SSUH2: variants seen among roughly 807,000 people sequenced by gnomAD.
The protein encoded by SSUH2 is ssu-2 homolog, also known as protein SSUH2 homolog.
Under a neutral mutation model 55.3 loss-of-function variants are expected in SSUH2, and 47 were observed. That is an observed-to-expected ratio of 0.85 (90% confidence interval 0.67 to 1.08). The LOEUF (loss-of-function observed/expected upper bound fraction) is 1.08. Ranked by LOEUF, SSUH2 falls within the 50% of genes least tolerant of loss-of-function variation. The pLI, the probability that SSUH2 is intolerant of heterozygous loss-of-function variation, is 0.00. For synonymous variants in SSUH2, 212 were observed against 191.5 expected (o/e 1.11, Z -0.89); for missense variants, 535 against 490.7 (o/e 1.09, Z -0.85).
intron 5 of SSUH2, among the ~76,000 whole-genome samples, chr3:8,664,411 T>C (rs1378882359): frequency 1.3e-5 from 2 of 152,244 alleles, no homozygotes; most frequent in African/African-American, 2.4e-5. Context: ...CACACAGTCA[T>C]GCTTGGAGGC....
In SSUH2 at chr3:8,661,638, A is replaced by G. The variant is rs574577065; in HGVS notation, c.-396+2106T>C. 1.7e-3 allele frequency among the ~76,000 whole-genome samples: 266 copies of G among 152,340 alleles called. 2 individuals carry two copies. The highest frequency in any genetic ancestry group is 3.4e-3 in the Middle Eastern group (1 of 294). The stretch of plus-strand genomic sequence containing the variant: ...TCACAGCAACAGCAATAGCCAGACA[A>G]TCAAGGTTTTTGCACCAGTGCCCTC... On this transcript the variant is annotated intron_variant, in intron 6 of 18. Coordinates refer to the SSUH2 transcript ENST00000317371.
upstream of SSUH2, among the ~76,000 whole-genome samples, chr3:8,648,882 C>G (rs927333947): frequency 6.6e-5 from 10 of 152,282 alleles, no homozygotes; most frequent in African/African-American, 2.4e-4. Context: ...CTGCCCCCAC[C>G]GTCTAATGGT....
intron 3 of SSUH2, among the ~76,000 whole-genome samples, chr3:8,672,995 A>G (rs1249736706): frequency 1.3e-5 from 2 of 152,268 alleles, no homozygotes; most frequent in South Asian, 4.1e-4. Context: ...CCACTGAGGT[A>G]TTAGGCATAA....
chr3:8,627,841 C>T, intron 7 of SSUH2, 58 bp from the exon 8 acceptor site: 1 of 1,498,768 alleles, frequency 6.7e-7, no homozygotes, highest in Non-Finnish European at 9.1e-7. Context: ...GGGCCAACGG[C>T]ATCCCAAGAC....
At chr3:8,667,023 C>T (rs1459999252) in intron 5 of SSUH2, among the ~76,000 whole-genome samples, 1 of 152,144 alleles carries the variant, frequency 6.6e-6, no homozygotes, top group Non-Finnish European at 1.5e-5. Flanking sequence ...GGCTGGGAGT[C>T]CACGCACGTT....
At chr3:8,637,548 C>T (rs1031513150) in intron 1 of SSUH2, among the ~76,000 whole-genome samples, 1 of 152,156 alleles carries the variant, frequency 6.6e-6, no homozygotes, top group African/African-American at 2.4e-5. Context: ...TCCAGTAATC[C>T]TAGGTCACAC....
At chr3:8,667,567 G>A (rs893862384) in intron 5 of SSUH2, among the ~76,000 whole-genome samples, 4 of 152,220 alleles carry the variant, frequency 2.6e-5, no homozygotes, top group African/African-American at 9.6e-5. Context: ...CACCTGGGCA[G>A]GCCACCCTCC....
At chr3:8,671,415 C>G (rs1008318363) in intron 4 of SSUH2, among the ~76,000 whole-genome samples, 2 of 151,932 alleles carry the variant, frequency 1.3e-5, no homozygotes, top group Non-Finnish European at 2.9e-5. Context: ...AAGGATCATA[C>G]GAGTAATTTG....
At chr3:8,623,731 G>GTC in intron 10 of SSUH2, 75 bp from the exon 11 acceptor site, 1 of 667,582 alleles carries the variant, frequency 1.5e-6, no homozygotes, top group Non-Finnish European at 2.6e-6. Context: ...GGGCTGACTA[G>GTC]AGCCAGAGCC....
intron 11 of SSUH2, among the ~76,000 whole-genome samples, chr3:8,620,626 C>T (rs1425257369): frequency 2.0e-5 from 3 of 152,202 alleles, no homozygotes; most frequent in Admixed American, 2.0e-4. Flanking sequence ...CCATTTGATT[C>T]TAGGTTTCAC....
intron 10 of SSUH2, 47 bp downstream of exon 10, chr3:8,625,495 G>T: frequency 8.1e-7 from 1 of 1,229,178 alleles, no homozygotes; most frequent in Non-Finnish European, 1.2e-6. Flanking sequence ...CACGAGAGCA[G>T]AGGAGGAACC....
At chr3:8,623,082 C>T (rs1696770898) in intron 11 of SSUH2, among the ~76,000 whole-genome samples, 1 of 152,160 alleles carries the variant, frequency 6.6e-6, no homozygotes, top group South Asian at 2.1e-4. Flanking sequence ...ATGTAGCAGC[C>T]ACCACCGCCA....
chr3:8,622,848 C>A (rs555340593), intron 11 of SSUH2, among the ~76,000 whole-genome samples: 2 of 152,092 alleles, frequency 1.3e-5, no homozygotes, highest in African/African-American at 2.4e-5. Context: ...TGTCTTTTTT[C>A]GCAGGTGAGA....
chr3:8,620,057 A>G, intron 11 of SSUH2, 43 bp from the exon 12 acceptor site: 1 of 1,606,620 alleles, frequency 6.2e-7, no homozygotes, highest in Non-Finnish European at 8.5e-7. Flanking sequence ...TGTTCTGTTC[A>G]AGTCACTCAC....
chr3:8,627,917 G>T, intron 7 of SSUH2, 134 bp from the exon 8 acceptor site: 1 of 604,902 alleles, frequency 1.7e-6, no homozygotes, highest in Admixed American at 3.7e-5. Flanking sequence ...CTGTAAAATG[G>T]TGCGGGGTGG....
At chr3:8,679,456 A>AT (rs1705797759) in intron 2 of SSUH2, among the ~76,000 whole-genome samples, 2 of 117,260 alleles carry the variant, frequency 1.7e-5, no homozygotes, top group Non-Finnish European at 3.6e-5. Flanking sequence ...GGGGGGAGGC[A>AT]CCCCCCGGGA....
intron 5 of SSUH2, 35 bp from the exon 6 acceptor site, chr3:8,630,964 AG>A (rs766258379): frequency 1.7e-5 from 23 of 1,339,878 alleles, no homozygotes; most frequent in Non-Finnish European, 2.2e-5. Flanking sequence ...AGAATGACGA[AG>A]GGCAGCAGGG....
At chr3:8,624,880 A>G (rs1697201170) in intron 10 of SSUH2, among the ~76,000 whole-genome samples, 1 of 151,998 alleles carries the variant, frequency 6.6e-6, no homozygotes, top group Non-Finnish European at 1.5e-5. Context: ...GCCAGTCCTC[A>G]AGGCCTCTGC....
At chr3:8,680,213 T>C (rs1705857288) in intron 1 of SSUH2, among the ~76,000 whole-genome samples, 1 of 152,094 alleles carries the variant, frequency 6.6e-6, no homozygotes, top group Non-Finnish European at 1.5e-5. Context: ...TTTGAGGGCC[T>C]TGGCAGCAAC....
Sources: allele counts gnomAD v4.1 joint callset (sites outside exome capture counted in the v4.1 genomes callset), GRCh38; gene constraint gnomAD v4.1.1; transcripts MANE v1.5; gene names NCBI Gene and HGNC (gene_info 2026-07-23, HGNC 2026-07-21).